GPR143: variants seen among roughly 807,000 people sequenced by gnomAD.
The protein encoded by GPR143 is G-protein coupled receptor 143.
A neutral mutation model predicts 27.6 loss-of-function variants in GPR143; 8 were observed. That is an observed-to-expected ratio of 0.29 (90% CI 0.17 to 0.52). The LOEUF is 0.52. Among genes scored for constraint, GPR143 ranks in the 20% least tolerant of loss-of-function variants. The pLI is 0.96. For synonymous variants in GPR143, 156 were observed against 153.2 expected, an observed-to-expected ratio of 1.02 and a Z score of -0.13; for missense variants, 303 against 343.1, an observed-to-expected ratio of 0.88 and a Z score of 0.92.
intron 8 of GPR143, among the ~76,000 whole-genome samples, chrX:9,737,652 C>T (rs924465294): frequency 9.0e-6 from 1 of 111,554 alleles, no homozygotes; most frequent in African/African-American, 3.3e-5. Flanking sequence ...GTGTGCACAA[C>T]CACTGAAATG....
chrX:9,774,324 TCACATGGGCCTCCC>T (rs1035818717), intron 1 of GPR143, among the ~76,000 whole-genome samples: 9 of 110,214 alleles, frequency 8.2e-5, no homozygotes, highest in Non-Finnish European at 1.3e-4. Context: ...TAGTTCCTTG[TCACATGGGCCTCCC>T]CACAGGGCAG....
intron 1 of GPR143, among the ~76,000 whole-genome samples, chrX:9,775,963 G>C (rs2083569674): frequency 8.9e-6 from 1 of 112,269 alleles, no homozygotes; most frequent in African/African-American, 3.2e-5. Flanking sequence ...ATACAAGACT[G>C]TGAAATCTCA....
rs1230301433 is a variant in GPR143, at chrX:9,743,651, T to C, written c.681A>G (p.Arg227=). The change falls in exon 6 of 9, where the codon AGA becomes AGG. Residue 227 remains arginine (R), a synonymous_variant. Coordinates refer to ENST00000467482, the MANE Select transcript of GPR143 (RefSeq NM_000273.3). ...VTAVASLLKG[R]QGIYTENERR... is the part of the protein sequence containing the mutation. The stretch of plus-strand genomic sequence containing the variant: ...TCTCGTTCTCCGTGTAAATGCCTTG[T>C]CTTCCTTTAAGTAAAGAGGCCACTG... The C allele has an allele frequency of 8.6e-7, 1 of 1,160,855 alleles. No homozygotes were observed. Among genetic ancestry groups the C allele is most frequent in the Admixed American group, 2.2e-5 (1 of 46,033 alleles).
intron 8 of GPR143, among the ~76,000 whole-genome samples, chrX:9,737,539 C>T (rs1029716252): frequency 9.0e-6 from 1 of 111,340 alleles, no homozygotes. Flanking sequence ...AAAGGAGATT[C>T]ATGGTTGCCA....
At chrX:9,751,167 G>A (rs1020861206) in intron 3 of GPR143, among the ~76,000 whole-genome samples, 1 of 112,812 alleles carries the variant, frequency 8.9e-6, no homozygotes, top group Non-Finnish European at 1.9e-5. Context: ...GTGCCACTAC[G>A]CTAAGGGGCC....
At chrX:9,776,659 G>A (rs781299318) in intron 1 of GPR143, among the ~76,000 whole-genome samples, 1 of 108,179 alleles carries the variant, frequency 9.2e-6, no homozygotes, top group Admixed American at 1.0e-4. Context: ...AAAATGCTGG[G>A]ATTACAGGTG....
intron 1 of GPR143, among the ~76,000 whole-genome samples, chrX:9,778,198 A>T (rs752051833): frequency 4.4e-4 from 49 of 112,306 alleles, no homozygotes; most frequent in Non-Finnish European, 8.3e-4. Context: ...ATAGATAGGG[A>T]GGGATGGAAG....
intron 7 of GPR143, chrX:9,740,749 CTTTCT>C: frequency 3.7e-6 from 1 of 270,420 alleles, no homozygotes; most frequent in Non-Finnish European, 6.3e-6. Flanking sequence ...ACATTTCTTT[CTTTCT>C]TTTTTTTTTT....
upstream of GPR143, among the ~76,000 whole-genome samples, chrX:9,770,089 T>C (rs1411094474): frequency 7.3e-5 from 7 of 96,098 alleles, no homozygotes; most frequent in Non-Finnish European, 1.2e-4. Flanking sequence ...GGTGGGAGCA[T>C]TGTTTGAGCC....
upstream of GPR143, among the ~76,000 whole-genome samples, chrX:9,768,675 C>CT (rs752205560): frequency 1.8e-3 from 180 of 101,272 alleles, no homozygotes; most frequent in African/African-American, 1.2e-3. Context: ...AGATGACAAA[C>CT]TTTTTTTTTT....
intron 8 of GPR143, among the ~76,000 whole-genome samples, chrX:9,737,226 G>C (rs1435526244): frequency 3.6e-5 from 4 of 112,042 alleles, no homozygotes; most frequent in Admixed American, 9.5e-5. Context: ...AGGAGGCTGA[G>C]GTGGAAAGAT....
upstream of GPR143, among the ~76,000 whole-genome samples, chrX:9,768,742 A>G (rs1436308347): frequency 9.2e-6 from 1 of 108,320 alleles, no homozygotes; most frequent in Non-Finnish European, 1.9e-5. Flanking sequence ...CAGTGGCGTG[A>G]TCTCAGCTCA....
intron 2 of GPR143, among the ~76,000 whole-genome samples, chrX:9,760,480 TC>T: frequency 8.9e-6 from 1 of 111,762 alleles, no homozygotes; most frequent in African/African-American, 3.3e-5. Flanking sequence ...CTGGTTTTGC[TC>T]GTGGCCCCAT....
At chrX:9,745,002 G>A (rs183010373) in intron 5 of GPR143, among the ~76,000 whole-genome samples, 87 of 111,094 alleles carry the variant, frequency 7.8e-4, no homozygotes, top group Non-Finnish European at 1.4e-3. Context: ...CTGTAATCCC[G>A]GCACTTTGGG....
intron 3 of GPR143, among the ~76,000 whole-genome samples, chrX:9,755,934 G>A (rs752907644): frequency 4.5e-5 from 5 of 111,695 alleles, no homozygotes; most frequent in Admixed American, 9.6e-5. Flanking sequence ...TCACAACCAG[G>A]CATATCTCAG....
At chrX:9,744,760 C>A (rs1465914632) in intron 5 of GPR143, among the ~76,000 whole-genome samples, 1 of 112,111 alleles carries the variant, frequency 8.9e-6, no homozygotes, top group African/African-American at 3.2e-5. Context: ...TTAATTTCTT[C>A]TTATAGACAA....
In GPR143 at chrX:9,776,553, T is replaced by TTA. The variant is rs1192276488; in HGVS notation, c.-3+9688_-3+9689insTA. 3.0e-5 allele frequency among the ~76,000 whole-genome samples: 3 copies of TTA among 100,644 alleles called. No homozygotes were observed. The East Asian group carries it at 9.4e-4, about 31-fold the overall frequency. The allele number at this position is 100,644 out of a possible 115,157, so 87.4% of individuals were successfully genotyped here. A position where few individuals can be genotyped will look rare whatever the true frequency, so the allele number is the denominator to read the frequency against. ...GGCACATGAAACCATGCCTAGCTTT[T>TTA]TTTTTTTTTTTTTTTGGTAGAGATG... On this transcript the variant is annotated intron_variant, in intron 1 of 7. Transcript: ENST00000447366.
intron 6 of GPR143, among the ~76,000 whole-genome samples, chrX:9,742,161 G>A (rs1288121498): frequency 8.9e-6 from 1 of 111,927 alleles, no homozygotes; most frequent in African/African-American, 3.3e-5. Context: ...TGTTATTTTA[G>A]GTGGCTCAGT....
intron 1 of GPR143, among the ~76,000 whole-genome samples, chrX:9,762,508 C>A (rs750125858): frequency 8.9e-6 from 1 of 111,903 alleles, no homozygotes; most frequent in Non-Finnish European, 1.9e-5. Context: ...ACACACTGTG[C>A]AATACACTAC....
Sources: allele counts gnomAD v4.1 joint callset (sites outside exome capture counted in the v4.1 genomes callset), GRCh38; gene constraint gnomAD v4.1.1; transcripts MANE v1.5; gene names NCBI Gene and HGNC (gene_info 2026-07-23, HGNC 2026-07-21).